SLC4A5: variants seen among roughly 807,000 people sequenced by gnomAD.
The protein encoded by SLC4A5 is electrogenic sodium bicarbonate cotransporter 4.
A neutral mutation model predicts 120.4 loss-of-function variants in SLC4A5; 96 were observed. The ratio of observed to expected loss-of-function variants is 0.80; its 90% confidence interval spans 0.68 to 0.94. The LOEUF is 0.94. SLC4A5 is among the 40% of genes least tolerant of loss of function. The pLI, the probability that SLC4A5 is intolerant of heterozygous loss-of-function variation, is 0.00. For missense variants in SLC4A5, 1,259 were observed against 1,459.5 expected (o/e 0.86, Z 2.24); for synonymous variants, 550 against 571.1 (o/e 0.96, Z 0.53).
At chr2:74,261,604 G>A (rs1671137755) in intron 11 of SLC4A5, among the ~76,000 whole-genome samples, 1 of 152,114 alleles carries the variant, frequency 6.6e-6, no homozygotes, top group Non-Finnish European at 1.5e-5. Context: ...TCCCTGACGA[G>A]GTGCATGTAA....
intron 7 of SLC4A5, among the ~76,000 whole-genome samples, chr2:74,300,506 T>TAA (rs1672447835): frequency 1.3e-5 from 2 of 152,212 alleles, no homozygotes; most frequent in Admixed American, 1.3e-4. Context: ...AATGTATGAA[T>TAA]TTCCTTTTCC....
At chr2:74,289,054 C>T (rs1411109794) in intron 7 of SLC4A5, among the ~76,000 whole-genome samples, 1 of 152,210 alleles carries the variant, frequency 6.6e-6, no homozygotes, top group Non-Finnish European at 1.5e-5. Flanking sequence ...ATCATCTGCT[C>T]CTATCACTGC....
intron 13 of SLC4A5, among the ~76,000 whole-genome samples, chr2:74,254,964 C>T (rs1041625246): frequency 3.0e-4 from 45 of 152,052 alleles, no homozygotes; most frequent in Admixed American, 7.2e-4. Context: ...GGACTACAGG[C>T]GTGTACCACC....
intron 15 of SLC4A5, 135 bp from the exon 16 acceptor site, chr2:74,252,523 T>C: frequency 1.0e-6 from 1 of 995,722 alleles, no homozygotes; most frequent in South Asian, 1.7e-5. Flanking sequence ...GCAGGTCACC[T>C]AGATTTTACA....
intron 8 of SLC4A5, among the ~76,000 whole-genome samples, chr2:74,275,927 C>T (rs1303765859): frequency 1.3e-5 from 2 of 152,146 alleles, no homozygotes; most frequent in African/African-American, 4.8e-5. Context: ...GATTCTAGAG[C>T]CTGTTCTCAC....
At chr2:74,307,454 C>T (rs1264751434) in intron 6 of SLC4A5, 2 of 629,322 alleles carry the variant, frequency 3.2e-6, no homozygotes, top group African/African-American at 1.8e-5. Flanking sequence ...CATCAATGAC[C>T]TTGTGGAGCC....
intron 25 of SLC4A5, 35 bp from the exon 26 acceptor site, chr2:74,227,913 C>T (rs367961266): frequency 3.6e-5 from 56 of 1,541,570 alleles, no homozygotes; most frequent in Non-Finnish European, 4.8e-5. Context: ...TCGGCCTCTG[C>T]CTGGGGCGGC....
At chr2:74,302,478 G>A (rs1291503309) in intron 7 of SLC4A5, among the ~76,000 whole-genome samples, 5 of 152,124 alleles carry the variant, frequency 3.3e-5, no homozygotes, top group Non-Finnish European at 5.9e-5. Context: ...TTAGCTGGGC[G>A]TGGTGGTACG....
chr2:74,310,645 T>C (rs1672777081), intron 6 of SLC4A5, among the ~76,000 whole-genome samples: 1 of 152,226 alleles, frequency 6.6e-6, no homozygotes, highest in African/African-American at 2.4e-5. Flanking sequence ...ATACCTGGGA[T>C]AAATCCTTTT....
At chr2:74,311,859 A>G (rs909408441) in intron 6 of SLC4A5, among the ~76,000 whole-genome samples, 2 of 150,562 alleles carry the variant, frequency 1.3e-5, no homozygotes, top group Admixed American at 1.3e-4. Context: ...ATCGTTACTG[A>G]TTTTCTGCCT....
At chr2:74,218,257 A>G (rs552250360) in exon 31 of SLC4A5, 6 of 151,768 alleles carry the variant, frequency 4.0e-5, no homozygotes, top group Admixed American at 2.6e-4. Flanking sequence ...GAGAACATCT[A>G]TATTTAAATC....
At chr2:74,307,469 G>A (rs1481659725) in intron 6 of SLC4A5, 3 of 626,100 alleles carry the variant, frequency 4.8e-6, no homozygotes, top group East Asian at 3.5e-5. Context: ...GGAGCCCACG[G>A]ATGTCGCTCT....
chr2:74,239,463 G>A (rs1553452434), exon 21 of SLC4A5: 24 of 1,613,432 alleles, frequency 1.5e-5, no homozygotes, highest in East Asian at 2.2e-5. Context: ...CCAAGCAGGC[G>A]CCCGCCGTAG....
chr2:74,240,006 T>TATATATAAATTTATTTATATATAC (rs1170217345), intron 20 of SLC4A5, among the ~76,000 whole-genome samples: 2 of 149,158 alleles, frequency 1.3e-5, no homozygotes, highest in African/African-American at 4.9e-5. Context: ...AGTGAATTTT[T>TATATATAAATTTATTTATATATAC]ATATATAAAT....
intron 25 of SLC4A5, among the ~76,000 whole-genome samples, chr2:74,229,881 G>GT (rs776603381): frequency 0.17 from 24,104 of 138,824 alleles, 2,865 homozygotes; most frequent in East Asian, 0.38. Context: ...TCTGAATGAG[G>GT]TTTTTTTTTT....
intron 26 of SLC4A5, chr2:74,227,385 A>G (rs910258257): frequency 3.8e-6 from 5 of 1,327,598 alleles, no homozygotes; most frequent in Non-Finnish European, 5.2e-6. Flanking sequence ...ATATTCAGGG[A>G]AAGTGCAAGT....
At chr2:74,274,003 A>G (rs971452552) in intron 8 of SLC4A5, among the ~76,000 whole-genome samples, 4 of 152,238 alleles carry the variant, frequency 2.6e-5, no homozygotes, top group Non-Finnish European at 4.4e-5. Flanking sequence ...TGTCTGTACT[A>G]AAAATACAAA....
intron 8 of SLC4A5, among the ~76,000 whole-genome samples, chr2:74,282,877 T>C (rs1369889408): frequency 6.6e-6 from 1 of 152,130 alleles, no homozygotes; most frequent in East Asian, 1.9e-4. Flanking sequence ...GATTTCCTCC[T>C]CTCTATTTGC....
chr2:74,333,338 C>G (rs1673406760), intron 4 of SLC4A5, among the ~76,000 whole-genome samples: 1 of 152,158 alleles, frequency 6.6e-6, no homozygotes, highest in South Asian at 2.1e-4. Flanking sequence ...AAGGAGCACT[C>G]AACATAGGCC....
Sources: gnomAD v4.1 joint callset for allele counts (sites outside exome capture counted in the v4.1 genomes callset) on GRCh38, gnomAD v4.1.1 for gene constraint, MANE v1.5 for transcripts, NCBI Gene and HGNC (gene_info 2026-07-23, HGNC 2026-07-21) for gene names.